EYS: variants seen among roughly 807,000 people sequenced by gnomAD.
EYS encodes the protein protein eyes shut homolog.
A neutral mutation model predicts 282.1 loss-of-function variants in EYS; 250 were observed. The observed-to-expected ratio is 0.89, with a 90% CI of 0.80 to 0.98. The LOEUF is 0.98. EYS is among the 50% of genes least tolerant of loss of function. The pLI is 0.00. For synonymous variants in EYS, 1,355 were observed against 1,282.9 expected, an observed-to-expected ratio of 1.06 and a Z score of -1.20; for missense variants, 4,016 against 3,709.0, an observed-to-expected ratio of 1.08 and a Z score of -2.15.
chr6:65,584,457 T>A (rs1764974832), intron 2 of EYS, among the ~76,000 whole-genome samples: 1 of 151,582 alleles, frequency 6.6e-6, no homozygotes, highest in Non-Finnish European at 1.5e-5. Context: ...TCAGGATGAG[T>A]TTTTTAGAGT....
intron 8 of EYS, among the ~76,000 whole-genome samples, chr6:65,356,767 C>A (rs1764500814): frequency 6.6e-6 from 1 of 151,888 alleles, no homozygotes; most frequent in Non-Finnish European, 1.5e-5. Flanking sequence ...ACATAACAAC[C>A]TGAATGTTAA....
At chr6:64,327,750 C>T (rs1278156898) in intron 29 of EYS, among the ~76,000 whole-genome samples, 2 of 152,132 alleles carry the variant, frequency 1.3e-5, no homozygotes, top group African/African-American at 2.4e-5. Flanking sequence ...AGAAAAAACC[C>T]GTCCTACAGG....
At chr6:64,787,158 C>G (rs1430665994) in intron 22 of EYS, among the ~76,000 whole-genome samples, 1 of 152,150 alleles carries the variant, frequency 6.6e-6, no homozygotes, top group Non-Finnish European at 1.5e-5. Flanking sequence ...GTCCCTTGTG[C>G]CAGTAGAATC....
chr6:64,004,978 C>G (rs565811358), intron 33 of EYS, among the ~76,000 whole-genome samples: 1 of 152,086 alleles, frequency 6.6e-6, no homozygotes, highest in Admixed American at 6.6e-5. Flanking sequence ...GGGGATGTAT[C>G]CAATAATGCG....
intron 5 of EYS, among the ~76,000 whole-genome samples, chr6:65,480,995 T>C (rs926049587): frequency 6.6e-6 from 1 of 152,120 alleles, no homozygotes; most frequent in African/African-American, 2.4e-5. Flanking sequence ...GTTTGGTTAC[T>C]GGATACAAAA....
intron 35 of EYS, among the ~76,000 whole-genome samples, chr6:63,886,697 C>T (rs1773269613): frequency 1.3e-5 from 2 of 152,126 alleles, no homozygotes; most frequent in African/African-American, 4.8e-5. Context: ...TTTATTCTGA[C>T]TGCTACCTTC....
chr6:65,209,920 G>A (rs576399797), intron 12 of EYS, among the ~76,000 whole-genome samples: 2 of 152,106 alleles, frequency 1.3e-5, no homozygotes, highest in South Asian at 4.1e-4. Context: ...AAGAGAGTAA[G>A]AAAGTCTGTA....
intron 30 of EYS, among the ~76,000 whole-genome samples, chr6:64,294,527 C>A (rs933774407): frequency 1.3e-5 from 2 of 152,132 alleles, no homozygotes; most frequent in African/African-American, 4.8e-5. Context: ...TAAAATCCTG[C>A]ATCACATGTC....
chr6:64,852,804 G>GGA (rs1765927079), intron 19 of EYS, among the ~76,000 whole-genome samples: 1 of 152,076 alleles, frequency 6.6e-6, no homozygotes, highest in African/African-American at 2.4e-5. Context: ...CCAGAAGCAA[G>GGA]GAGAGAGTCA....
At chr6:65,117,015 G>C (rs1015551139) in intron 12 of EYS, among the ~76,000 whole-genome samples, 1 of 152,074 alleles carries the variant, frequency 6.6e-6, no homozygotes, top group African/African-American at 2.4e-5. Flanking sequence ...CTTTTGTCTT[G>C]AAGTTGTAGC....
chr6:64,526,021 T>C (rs1312139911), intron 26 of EYS, among the ~76,000 whole-genome samples: 1 of 151,800 alleles, frequency 6.6e-6, no homozygotes, highest in Non-Finnish European at 1.5e-5. Context: ...GAACAAACTA[T>C]TAATAGAAGT....
chr6:65,355,619 C>T (rs1764449452), intron 8 of EYS, among the ~76,000 whole-genome samples: 1 of 151,930 alleles, frequency 6.6e-6, no homozygotes, highest in African/African-American at 2.4e-5. Context: ...TCAAGCAACT[C>T]AACAACTTCA....
intron 31 of EYS, among the ~76,000 whole-genome samples, chr6:64,177,812 T>G (rs1020299090): frequency 1.3e-5 from 2 of 152,164 alleles, no homozygotes; most frequent in African/African-American, 4.8e-5. Flanking sequence ...TGGTCAGAAG[T>G]TCCACTTCAT....
rs199575680 is a variant in EYS, at chr6:65,449,203, T to A, written c.862+41391A>T. ...AGAATGGTTTCCTTGATGTTCTCAA[T>A]TACCTATTGTTTTGCTGATGGTTAT... On this transcript the variant is annotated intron_variant, in intron 5 of 42. Coordinates refer to ENST00000503581, the MANE Select transcript of EYS (RefSeq NM_001142800.2). Among the ~76,000 whole-genome samples, 20 of 152,174 alleles carry A rather than the reference T, an allele frequency of 1.3e-4. No homozygotes were observed. In the East Asian group the frequency reaches 2.1e-3, roughly 16 times the overall value.
intron 35 of EYS, among the ~76,000 whole-genome samples, chr6:63,964,710 T>C (rs1766224248): frequency 6.6e-6 from 1 of 152,216 alleles, no homozygotes; most frequent in Non-Finnish European, 1.5e-5. Context: ...GATCCAAAAA[T>C]GCAAGGCAAA....
intron 26 of EYS, among the ~76,000 whole-genome samples, chr6:64,511,340 C>A (rs1192261504): frequency 7.3e-6 from 1 of 137,852 alleles, no homozygotes. Context: ...TGGAGGAATT[C>A]TTCATATTAA....
intron 26 of EYS, among the ~76,000 whole-genome samples, chr6:64,546,473 T>C (rs576970348): frequency 2.0e-5 from 3 of 152,340 alleles, no homozygotes; most frequent in South Asian, 2.1e-4. Context: ...AAGGACTTCA[T>C]GTCTAAAACA....
intron 15 of EYS, among the ~76,000 whole-genome samples, chr6:64,917,580 CA>C (rs1171880344): frequency 1.2e-4 from 19 of 152,158 alleles, no homozygotes; most frequent in African/African-American, 4.6e-4. Flanking sequence ...ATGTTGGTCA[CA>C]GGATACAGTT....
intron 1 of EYS, among the ~76,000 whole-genome samples, chr6:65,702,971 A>G (rs1769733082): frequency 6.6e-6 from 1 of 152,172 alleles, no homozygotes; most frequent in East Asian, 1.9e-4. Flanking sequence ...AGTGCCTTCC[A>G]CAATGTGAGT....
Sources: allele counts gnomAD v4.1 joint callset (sites outside exome capture counted in the v4.1 genomes callset), GRCh38; gene constraint gnomAD v4.1.1; transcripts MANE v1.5; gene names NCBI Gene and HGNC (gene_info 2026-07-23, HGNC 2026-07-21).